The following TENM1 variants were observed in gnomAD, a reference collection of about 807,000 sequenced individuals.
The protein encoded by TENM1 is teneurin transmembrane protein 1.
Under a neutral mutation model 174.8 loss-of-function variants are expected in TENM1, and 35 were observed. The observed-to-expected ratio is 0.20, with a 90% CI of 0.15 to 0.27. TENM1 has a LOEUF of 0.27. Among genes scored for constraint, TENM1 ranks in the 10% least tolerant of loss-of-function variants. The probability of loss-of-function intolerance (pLI) is 1.00; values close to 1 mark genes in which losing one functional copy is unlikely to be tolerated. For missense variants in TENM1, 1,633 were observed against 2,130.1 expected (o/e 0.77, Z 4.59); for synonymous variants, 781 against 798.7 (o/e 0.98, Z 0.37).
At chrX:125,128,302 G>A in the TENM1 span, among the ~76,000 whole-genome samples, 1 of 111,817 alleles carries the variant, frequency 8.9e-6, no homozygotes, top group Non-Finnish European at 1.9e-5. Flanking sequence ...GAAGGAGACT[G>A]AGTTTCAATT....
At chrX:124,626,854 T>C (rs927994767) in intron 11 of TENM1, among the ~76,000 whole-genome samples, 8 of 112,030 alleles carry the variant, frequency 7.1e-5, no homozygotes, top group Non-Finnish European at 1.1e-4. Context: ...CCAATCCTGC[T>C]GATACTGAAT....
chrX:124,449,427 T>C (rs1036541845), intron 23 of TENM1, among the ~76,000 whole-genome samples: 1 of 112,453 alleles, frequency 8.9e-6, no homozygotes, highest in Non-Finnish European at 1.9e-5. Flanking sequence ...CTTCTCATGG[T>C]GATGATGATC....
intron 11 of TENM1, among the ~76,000 whole-genome samples, chrX:124,589,207 G>C (rs2049660168): frequency 9.2e-6 from 1 of 109,209 alleles, no homozygotes; most frequent in African/African-American, 3.3e-5. Flanking sequence ...CTATTGATTT[G>C]TATATGTTGA....
intron 18 of TENM1, among the ~76,000 whole-genome samples, chrX:124,511,995 C>A (rs573438452): frequency 3.6e-5 from 4 of 111,952 alleles, no homozygotes; most frequent in African/African-American, 1.3e-4. Flanking sequence ...TTGCCAATAA[C>A]CTTGAAGAAA....
intron 3 of TENM1, among the ~76,000 whole-genome samples, chrX:124,842,537 C>T (rs1046037267): frequency 9.0e-6 from 1 of 111,274 alleles, no homozygotes; most frequent in African/African-American, 3.3e-5. Flanking sequence ...ACTTTCTCAC[C>T]GTTTTTGAGG....
chrX:124,769,705 C>T (rs903273034), intron 3 of TENM1, among the ~76,000 whole-genome samples: 2 of 112,122 alleles, frequency 1.8e-5, no homozygotes, highest in Non-Finnish European at 3.8e-5. Flanking sequence ...GACAGAAATT[C>T]TTTTTGGAAA....
chrX:124,750,942 G>A (rs1227510333), intron 3 of TENM1, among the ~76,000 whole-genome samples: 3 of 112,237 alleles, frequency 2.7e-5, no homozygotes, highest in Non-Finnish European at 3.8e-5. Context: ...TTGTAAGTCC[G>A]ATTCAATATG....
intron 5 of TENM1, among the ~76,000 whole-genome samples, chrX:124,690,188 C>T (rs2148469648): frequency 9.0e-6 from 1 of 110,987 alleles, no homozygotes; most frequent in East Asian, 2.8e-4. Context: ...CAAATTTGGC[C>T]AAGGGGAATC....
intron 1 of TENM1, among the ~76,000 whole-genome samples, chrX:124,939,285 T>G (rs1319638838): frequency 9.0e-6 from 1 of 111,194 alleles, no homozygotes; most frequent in South Asian, 3.9e-4. Context: ...TCTTTTATTT[T>G]CCCAATCAGT....
At chrX:124,815,756 C>T (rs1410095161) in intron 3 of TENM1, among the ~76,000 whole-genome samples, 1 of 110,480 alleles carries the variant, frequency 9.1e-6, no homozygotes, top group African/African-American at 3.3e-5. Flanking sequence ...TAAAACATTG[C>T]GAATGGTTCA....
chrX:124,493,345 G>A (rs771915422), intron 20 of TENM1, among the ~76,000 whole-genome samples: 284 of 111,304 alleles, frequency 2.6e-3, no homozygotes, highest in Non-Finnish European at 4.9e-3. Context: ...CTCCACTTTA[G>A]GTAAATTTAC....
At chrX:124,737,861 T>C (rs2053712079) in intron 3 of TENM1, among the ~76,000 whole-genome samples, 3 of 112,260 alleles carry the variant, frequency 2.7e-5, no homozygotes. Flanking sequence ...GTCTGCAACT[T>C]TTTTCCTTTG....
intron 15 of TENM1, among the ~76,000 whole-genome samples, chrX:124,544,454 A>G (rs2048387470): frequency 8.9e-6 from 1 of 112,477 alleles, no homozygotes; most frequent in African/African-American, 3.2e-5. Context: ...GTGAGGATTA[A>G]ATAACACATG....
chrX:124,656,799 T>C (rs781595841), intron 6 of TENM1, among the ~76,000 whole-genome samples: 2 of 111,786 alleles, frequency 1.8e-5, no homozygotes, highest in Admixed American at 9.5e-5. Flanking sequence ...GGAAATTAAA[T>C]GTAGAAAAAC....
chrX:124,615,890 G>A (rs145306784), intron 11 of TENM1, among the ~76,000 whole-genome samples: 209 of 112,211 alleles, frequency 1.9e-3, no homozygotes, highest in African/African-American at 6.3e-3. Context: ...TTTCTTTAGG[G>A]ATGAGGACAT....
intron 30 of TENM1, 126 bp from the exon 34 acceptor site, chrX:124,382,938 C>CCATTTATT (rs1556624594): frequency 1.3e-5 from 2 of 150,535 alleles, no homozygotes; most frequent in East Asian, 1.8e-4. Flanking sequence ...AATAAAACTC[C>CCATTTATT]TATTTATTTA....
chrX:124,726,392 T>C, intron 4 of TENM1, among the ~76,000 whole-genome samples: 1 of 112,676 alleles, frequency 8.9e-6, no homozygotes. Flanking sequence ...ACTTATATTT[T>C]ACTCTCAACA....
At chrX:125,022,804 T>C in the TENM1 span, among the ~76,000 whole-genome samples, 1 of 111,912 alleles carries the variant, frequency 8.9e-6, no homozygotes, top group Non-Finnish European at 1.9e-5. Flanking sequence ...AGGGCTACAT[T>C]AGTTGTGTAT....
the TENM1 span, among the ~76,000 whole-genome samples, chrX:125,049,386 A>G: frequency 8.9e-6 from 1 of 112,293 alleles, no homozygotes; most frequent in African/African-American, 3.2e-5. Flanking sequence ...AATGTTTTCT[A>G]GGTTTATCCC....
Sources: gnomAD v4.1 joint callset for allele counts (sites outside exome capture counted in the v4.1 genomes callset) on GRCh38, gnomAD v4.1.1 for gene constraint, MANE v1.5 for transcripts, NCBI Gene and HGNC (gene_info 2026-07-23, HGNC 2026-07-21) for gene names.